Variants in SND1 observed in about 807,000 individuals in gnomAD.
The protein encoded by SND1 is staphylococcal nuclease and tudor domain containing 1, also known as staphylococcal nuclease domain-containing protein 1.
In SND1, 38 loss-of-function variants were observed where a neutral mutation model predicts 121.7. The observed-to-expected ratio is 0.31, with a 90% CI of 0.24 to 0.41. The LOEUF is 0.41. Among genes scored for constraint, SND1 ranks in the 10% least tolerant of loss-of-function variants. The pLI is 1.00. For missense variants in SND1, 868 were observed against 1,184.6 expected (o/e 0.73, Z 3.92); for synonymous variants, 401 against 447.4 (o/e 0.90, Z 1.31).
chr7:128,018,677 A>G (rs1410054770), intron 16 of SND1, among the ~76,000 whole-genome samples: 1 of 152,166 alleles, frequency 6.6e-6, no homozygotes, highest in African/African-American at 2.4e-5. Context: ...ACATCTGGCA[A>G]GGCAGCCTCT....
chr7:127,657,965 A>G (rs1795240554), intron 1 of SND1, among the ~76,000 whole-genome samples: 1 of 152,200 alleles, frequency 6.6e-6, no homozygotes, highest in Non-Finnish European at 1.5e-5. Flanking sequence ...TACCCTGGTG[A>G]GATCAACAGC....
chr7:127,691,521 C>T (rs533940947), intron 2 of SND1, among the ~76,000 whole-genome samples: 12 of 151,298 alleles, frequency 7.9e-5, no homozygotes, highest in East Asian at 2.0e-4. Flanking sequence ...TCCAGCCTGG[C>T]GACAGAGCGA....
At chr7:128,070,587 A>C (rs1793393930) in intron 16 of SND1, among the ~76,000 whole-genome samples, 1 of 152,188 alleles carries the variant, frequency 6.6e-6, no homozygotes, top group South Asian at 2.1e-4. Flanking sequence ...TGCAAATTAC[A>C]CAACACTCCA....
At position 127,907,818 on chromosome 7, in the gene SND1, A is replaced by G. The variant is rs148221422; in HGVS notation, c.1527+2999A>G. Among the ~76,000 whole-genome samples the G allele has an allele frequency of 3.0e-3, 450 of 152,292 alleles. 2 individuals are homozygous for G. Among genetic ancestry groups the G allele is most frequent in the African/African-American group, 0.01 (430 of 41,548 alleles). On this transcript the variant is annotated intron_variant, in intron 14 of 23. Transcript: ENST00000354725. ...GGGGTTGAGTTTCTACTCCTTTTCC[A>G]TGATCTCTTCTCTTGCTGTTTAAAA...
chr7:127,752,588 T>C (rs1797116439), intron 10 of SND1, among the ~76,000 whole-genome samples: 1 of 152,158 alleles, frequency 6.6e-6, no homozygotes, highest in Admixed American at 6.5e-5. Flanking sequence ...GATACTTGAT[T>C]TTCTATAAAG....
At chr7:127,958,120 G>A (rs953372617) in intron 15 of SND1, among the ~76,000 whole-genome samples, 1 of 152,188 alleles carries the variant, frequency 6.6e-6, no homozygotes, top group Non-Finnish European at 1.5e-5. Context: ...TGAAACAAAA[G>A]GCCAGTAGAA....
chr7:127,684,936 T>C (rs1216793238), intron 1 of SND1, among the ~76,000 whole-genome samples: 2 of 152,072 alleles, frequency 1.3e-5, no homozygotes, highest in East Asian at 3.8e-4. Context: ...TATATTGGAA[T>C]GTACAATATT....
rs183070940 is a variant in SND1, at chr7:127,684,368, G to A, written c.79-2245G>A. Among the ~76,000 whole-genome samples the A allele has an allele frequency of 7.2e-5, 11 of 152,296 alleles. No homozygotes were observed. In the East Asian group the frequency reaches 2.1e-3, roughly 29 times the overall value. On this transcript the variant is annotated intron_variant, in intron 1 of 23. Transcript: ENST00000354725. ...ACTAGAAACAGATGTTCTGGTTTGT[G>A]TGCTGTATGTAGTTTGGCTGTCCTC...
chr7:127,658,645 A>G (rs1478614374), intron 1 of SND1, among the ~76,000 whole-genome samples: 1 of 152,254 alleles, frequency 6.6e-6, no homozygotes, highest in African/African-American at 2.4e-5. Flanking sequence ...GCAAAGTAGC[A>G]TGCTTCAGGG....
At chr7:127,794,915 A>T (rs989526886) in intron 10 of SND1, among the ~76,000 whole-genome samples, 1 of 152,206 alleles carries the variant, frequency 6.6e-6, no homozygotes, top group African/African-American at 2.4e-5. Context: ...CAGTTGTGAT[A>T]TACTGGTCCT....
intron 2 of SND1, among the ~76,000 whole-genome samples, chr7:127,691,308 C>T (rs989209955): frequency 1.3e-5 from 2 of 151,944 alleles, no homozygotes; most frequent in Non-Finnish European, 2.9e-5. Context: ...TTTGGGAGGC[C>T]GAGGCGGGCG....
intron 10 of SND1, among the ~76,000 whole-genome samples, chr7:127,768,122 G>A (rs900611764): frequency 6.6e-6 from 1 of 152,152 alleles, no homozygotes; most frequent in Non-Finnish European, 1.5e-5. Flanking sequence ...AGGTTGGTGG[G>A]GGTGAGCTGC....
At chr7:127,842,740 ACTC>A (rs1323266163) in intron 11 of SND1, among the ~76,000 whole-genome samples, 6 of 151,828 alleles carry the variant, frequency 4.0e-5, no homozygotes, top group African/African-American at 1.4e-4. Context: ...CTGGTCTTGA[ACTC>A]CTGGCCTCAA....
chr7:127,762,434 C>T (rs1797321265), intron 10 of SND1, among the ~76,000 whole-genome samples: 1 of 152,222 alleles, frequency 6.6e-6, no homozygotes, highest in Non-Finnish European at 1.5e-5. Context: ...CCCCCTACGT[C>T]TCTCTGTCCT....
intron 16 of SND1, among the ~76,000 whole-genome samples, chr7:128,016,929 G>A (rs182029069): frequency 1.4e-4 from 22 of 152,274 alleles, no homozygotes; most frequent in Admixed American, 1.4e-3. Flanking sequence ...CTGGACAGAG[G>A]GTCAGCTATA....
intron 16 of SND1, among the ~76,000 whole-genome samples, chr7:128,044,207 G>A (rs538769005): frequency 2.0e-5 from 3 of 152,306 alleles, no homozygotes; most frequent in Admixed American, 1.3e-4. Context: ...GTGTCCTGTC[G>A]CCACACTTGG....
intron 16 of SND1, among the ~76,000 whole-genome samples, chr7:128,036,918 A>C (rs1792761061): frequency 6.6e-6 from 1 of 152,214 alleles, no homozygotes; most frequent in Non-Finnish European, 1.5e-5. Flanking sequence ...AATGGTTTTA[A>C]TAGCAACATT....
intron 10 of SND1, among the ~76,000 whole-genome samples, chr7:127,748,548 T>C (rs1208451808): frequency 6.6e-6 from 1 of 152,208 alleles, no homozygotes; most frequent in South Asian, 2.1e-4. Flanking sequence ...AGGAAAGAGA[T>C]GAAATATTTC....
chr7:128,023,769 G>A (rs1803411702), intron 16 of SND1, among the ~76,000 whole-genome samples: 1 of 152,156 alleles, frequency 6.6e-6, no homozygotes, highest in Admixed American at 6.5e-5. Context: ...GGGCTTCTCT[G>A]TTGATCTGTG....
Sources: allele counts gnomAD v4.1 joint callset (sites outside exome capture counted in the v4.1 genomes callset), GRCh38; gene constraint gnomAD v4.1.1; transcripts MANE v1.5; gene names NCBI Gene and HGNC (gene_info 2026-07-23, HGNC 2026-07-21).